Variants in PRR16 observed in about 807,000 individuals in gnomAD.
PRR16 encodes protein Largen.
PRR16 carries 6 observed loss-of-function variants against 18.2 expected under a neutral mutation model. The observed-to-expected ratio is 0.33, with a 90% CI of 0.18 to 0.65. The LOEUF is 0.65. Ranked by LOEUF, PRR16 falls within the 30% of genes least tolerant of loss-of-function variation. The probability of loss-of-function intolerance (pLI) is 0.74; values close to 1 mark genes in which losing one functional copy is unlikely to be tolerated. For synonymous variants in PRR16, 151 were observed against 147.8 expected (o/e 1.02, Z -0.16); for missense variants, 412 against 376.6 (o/e 1.09, Z -0.78).
intron 1 of PRR16, among the ~76,000 whole-genome samples, chr5:120,618,118 C>T (rs982022486): frequency 6.6e-6 from 1 of 151,914 alleles, no homozygotes. Context: ...TAGATAAAAC[C>T]TGAAAGATGC....
chr5:120,664,727 G>A (rs192681198), intron 1 of PRR16, among the ~76,000 whole-genome samples: 3 of 150,948 alleles, frequency 2.0e-5, no homozygotes, highest in Admixed American at 6.6e-5. Flanking sequence ...TTGTCCTTGC[G>A]ATAGTTTACT....
In PRR16 at chr5:120,686,756, C is replaced by A; in HGVS notation, c.*47C>A. 7.6e-7 allele frequency: 1 copy of A among 1,320,924 alleles called. No homozygotes were observed. Among genetic ancestry groups the A allele is most frequent in the Non-Finnish European group, 9.9e-7 (1 of 1,009,160 alleles). The allele number at this position is 1,320,924 out of a possible 1,614,324, so 81.8% of individuals were successfully genotyped here. On this transcript the variant is annotated 3_prime_UTR_variant, in exon 2 of 2. Coordinates refer to ENST00000407149, the MANE Select transcript of PRR16 (RefSeq NM_001300783.2). ...TTTTTTTAATTTTCTATATTATAAA[C>A]ATAAAATAAGTAATGAGCACTTTCT...
At chr5:120,593,440 A>T (rs1753702620) in intron 1 of PRR16, among the ~76,000 whole-genome samples, 1 of 152,010 alleles carries the variant, frequency 6.6e-6, no homozygotes, top group East Asian at 1.9e-4. Flanking sequence ...CACCCTCCCA[A>T]GCTGAACCAG....
At chr5:120,755,753 A>G in the PRR16 span, among the ~76,000 whole-genome samples, 1 of 152,132 alleles carries the variant, frequency 6.6e-6, no homozygotes, top group Non-Finnish European at 1.5e-5. Flanking sequence ...ACCCAGTAAT[A>G]GTGTTACTGG....
intron 1 of PRR16, among the ~76,000 whole-genome samples, chr5:120,680,700 A>T (rs999810715): frequency 6.6e-6 from 1 of 152,146 alleles, no homozygotes; most frequent in Admixed American, 6.5e-5. Context: ...ATCACCAACA[A>T]TTGGGATTAT....
At chr5:120,618,187 A>G (rs1754576131) in intron 1 of PRR16, among the ~76,000 whole-genome samples, 1 of 152,154 alleles carries the variant, frequency 6.6e-6, no homozygotes, top group Non-Finnish European at 1.5e-5. Context: ...AATCAAATAT[A>G]AAAGATGTCT....
intron 1 of PRR16, among the ~76,000 whole-genome samples, chr5:120,509,132 A>G (rs1262347819): frequency 6.6e-6 from 1 of 152,104 alleles, no homozygotes; most frequent in Non-Finnish European, 1.5e-5. Context: ...AGCTGGCAAA[A>G]TGTAGTAGCA....
intron 1 of PRR16, among the ~76,000 whole-genome samples, chr5:120,528,522 C>CT (rs1163324204): frequency 2.6e-5 from 4 of 152,138 alleles, no homozygotes; most frequent in Admixed American, 2.6e-4. Flanking sequence ...AATGTGGTAT[C>CT]TCAGAGGAAA....
the PRR16 span, among the ~76,000 whole-genome samples, chr5:120,788,591 T>G: frequency 6.6e-6 from 1 of 152,068 alleles, no homozygotes; most frequent in Non-Finnish European, 1.5e-5. Context: ...GATACAAAAA[T>G]GGCACCAATA....
At chr5:120,753,908 ATC>A in the PRR16 span, among the ~76,000 whole-genome samples, 563 of 108,822 alleles carry the variant, frequency 5.2e-3, 3 homozygotes, top group South Asian at 0.017. Flanking sequence ...ATATTTATAA[ATC>A]TCTATAAATG....
rs114761019 is a variant in PRR16 at position 120,684,785 on chromosome 5, T to A, written c.160-1169T>A. On this transcript the variant is annotated intron_variant, in intron 1 of 1. Transcript: ENST00000407149. Reference sequence around the variant, plus strand: ...ATGGGAGATGTCAGACTCCCCAGTATCCTTGCCAAAGTCTCCTTAGAACTG... The same window carrying A: ...ATGGGAGATGTCAGACTCCCCAGTAACCTTGCCAAAGTCTCCTTAGAACTG... 4.4e-3 allele frequency among the ~76,000 whole-genome samples: 673 copies of A among 152,288 alleles called. 4 individuals carry two copies. Among genetic ancestry groups the A allele is most frequent in the African/African-American group, 0.016 (646 of 41,570 alleles).
chr5:120,772,611 C>G, the PRR16 span, among the ~76,000 whole-genome samples: 3 of 151,968 alleles, frequency 2.0e-5, no homozygotes, highest in African/African-American at 7.2e-5. Context: ...AGTCAACCAC[C>G]TAGAAGGGCT....
chr5:120,464,697 G>C (rs1749018850), intron 1 of PRR16, 52 bp downstream of exon 1: 12 of 1,457,824 alleles, frequency 8.2e-6, no homozygotes, highest in Non-Finnish European at 1.1e-5. Flanking sequence ...ACCCCTCCGG[G>C]GTCCCCTTTC....
intron 1 of PRR16, among the ~76,000 whole-genome samples, chr5:120,529,381 ACAACT>A (rs1188172732): frequency 6.6e-6 from 1 of 152,156 alleles, no homozygotes; most frequent in Non-Finnish European, 1.5e-5. Context: ...TGGCTTATTG[ACAACT>A]CAAATCATGT....
chr5:120,604,211 C>T (rs1470374291), intron 1 of PRR16, among the ~76,000 whole-genome samples: 3 of 151,840 alleles, frequency 2.0e-5, no homozygotes, highest in Non-Finnish European at 4.4e-5. Context: ...TCTCTAAGAA[C>T]TTGTTTCATG....
chr5:120,700,140 C>G, the PRR16 span, among the ~76,000 whole-genome samples: 490 of 152,138 alleles, frequency 3.2e-3, 1 homozygote, highest in African/African-American at 0.011. Context: ...GGGTTTGGCA[C>G]CACGGGGTGG....
intron 1 of PRR16, among the ~76,000 whole-genome samples, chr5:120,665,988 T>G (rs1304591791): frequency 4.6e-5 from 7 of 152,074 alleles, no homozygotes; most frequent in Non-Finnish European, 8.8e-5. Flanking sequence ...TTTCCAATTC[T>G]GTGAAGAAAG....
the PRR16 span, among the ~76,000 whole-genome samples, chr5:120,784,076 A>G: frequency 6.6e-6 from 1 of 152,132 alleles, no homozygotes; most frequent in Non-Finnish European, 1.5e-5. Context: ...TTCATTGTAT[A>G]TATGTTCTAC....
At chr5:120,597,108 T>C (rs1387612310) in intron 1 of PRR16, among the ~76,000 whole-genome samples, 3 of 151,692 alleles carry the variant, frequency 2.0e-5, no homozygotes, top group African/African-American at 7.2e-5. Flanking sequence ...ATTCAGTAAT[T>C]TTTTTGCTTA....
Sources: gnomAD v4.1 joint callset for allele counts (sites outside exome capture counted in the v4.1 genomes callset) on GRCh38, gnomAD v4.1.1 for gene constraint, MANE v1.5 for transcripts, NCBI Gene and HGNC (gene_info 2026-07-23, HGNC 2026-07-21) for gene names.